Variants in TLK1 observed in about 807,000 individuals in gnomAD.
TLK1 encodes tousled like kinase 1.
TLK1 carries 24 observed loss-of-function variants against 105.3 expected under a neutral mutation model. That is an observed-to-expected ratio of 0.23 (90% confidence interval 0.17 to 0.32). The LOEUF (loss-of-function observed/expected upper bound fraction) is 0.32. TLK1 is among the 10% of genes least tolerant of loss of function. The pLI, the probability that TLK1 is intolerant of heterozygous loss-of-function variation, is 1.00. For synonymous variants in TLK1, 321 were observed against 310.4 expected, an observed-to-expected ratio of 1.03 and a Z score of -0.36; for missense variants, 558 against 910.5, an observed-to-expected ratio of 0.61 and a Z score of 4.98.
chr2:171,137,714 C>T (rs1049206657), intron 1 of TLK1, among the ~76,000 whole-genome samples: 7 of 151,762 alleles, frequency 4.6e-5, no homozygotes, highest in African/African-American at 1.5e-4. Flanking sequence ...CCGGGTGTGG[C>T]AGCGTGTGCC....
intron 1 of TLK1, among the ~76,000 whole-genome samples, chr2:171,197,807 A>G (rs1693303813): frequency 6.6e-6 from 1 of 152,070 alleles, no homozygotes; most frequent in Non-Finnish European, 1.5e-5. Context: ...ACAAAAAACA[A>G]TAAAGAATCA....
intron 10 of TLK1, among the ~76,000 whole-genome samples, chr2:171,047,479 C>T (rs1687016941): frequency 6.6e-6 from 1 of 152,086 alleles, no homozygotes; most frequent in Non-Finnish European, 1.5e-5. Context: ...ATCCCCTTCC[C>T]TATGGTTTTA....
At chr2:171,171,782 A>G (rs1692733870) in intron 1 of TLK1, among the ~76,000 whole-genome samples, 1 of 152,238 alleles carries the variant, frequency 6.6e-6, no homozygotes. Flanking sequence ...GGCTAAAATG[A>G]AAAATATGAA....
Position 171,160,295 on chromosome 2 carries a change from C to T in TLK1, c.134G>A (p.Arg45Lys). The change falls in exon 1 of 21, where the codon AGG becomes AAG. Residue 45 changes from arginine to lysine, a missense_variant. Coordinates refer to ENST00000431350, the MANE Select transcript of TLK1 (RefSeq NM_012290.5). The surrounding 1 kb of genome is among the most constrained non-coding windows in gnomAD (Gnocchi z 4.4). ...GCGGGCGCGGCGGTGCTTACCTTCC[C>T]TGGGCCTCCCGGATGGCGGCGTGTG... ...LNHTPPSGRP[R>K]EGAMDELHSL... 6.3e-7 allele frequency: 1 copy of T among 1,581,942 alleles called. No homozygotes were observed. The highest frequency in any genetic ancestry group is 1.4e-5 in the African/African-American group (1 of 71,984).
intron 1 of TLK1, among the ~76,000 whole-genome samples, chr2:171,208,848 A>G (rs13408729): frequency 0.03 from 4,549 of 152,334 alleles, 229 homozygotes; most frequent in East Asian, 0.2. Flanking sequence ...TATCAAAATA[A>G]TAAATGCACT....
At chr2:171,148,277 G>A (rs76087981) in intron 1 of TLK1, among the ~76,000 whole-genome samples, 9,664 of 152,168 alleles carry the variant, frequency 0.064, 387 homozygotes, top group Non-Finnish European at 0.093. Flanking sequence ...GTACCAAGGA[G>A]AAAGAGTGCT....
rs542383761 is a variant in TLK1, at chr2:171,180,953, T to C, written c.-6+50192A>G. ...AGAGACTTGGGGCTTTAAAATATGA[T>C]TAACTCTGATAATAATGGTTGAGGA... is the stretch of plus-strand genomic sequence containing the variant. On this transcript the variant is annotated intron_variant, in intron 1 of 20. Coordinates refer to the TLK1 transcript ENST00000521943. Among the ~76,000 whole-genome samples the C allele has an allele frequency of 5.3e-5, 8 of 152,224 alleles. 1 individual carries two copies. Among genetic ancestry groups the C allele is most frequent in the African/African-American group, 1.9e-4 (8 of 41,522 alleles).
intron 2 of TLK1, among the ~76,000 whole-genome samples, chr2:171,104,617 A>G (rs1012914670): frequency 3.3e-5 from 5 of 152,194 alleles, no homozygotes; most frequent in African/African-American, 1.2e-4. Flanking sequence ...AGCTAAAAGA[A>G]TAAAACTGGA....
intron 1 of TLK1, among the ~76,000 whole-genome samples, chr2:171,185,494 C>CA (rs1186948653): frequency 6.6e-6 from 1 of 152,104 alleles, no homozygotes; most frequent in Non-Finnish European, 1.5e-5. Flanking sequence ...CTGCTCCAGA[C>CA]AAAAAAGAAC....
chr2:171,016,075 T>C (rs115771356), intron 12 of TLK1, among the ~76,000 whole-genome samples: 1,954 of 151,582 alleles, frequency 0.013, 33 homozygotes, highest in African/African-American at 0.042. Context: ...GGAAACTCCA[T>C]CCCCACTCTC....
At chr2:171,062,328 C>T (rs2105447894) in intron 3 of TLK1, among the ~76,000 whole-genome samples, 1 of 152,244 alleles carries the variant, frequency 6.6e-6, no homozygotes, top group South Asian at 2.1e-4. Context: ...CATCATGGTC[C>T]CCCAACAAGG....
At chr2:171,075,196 G>C (rs1213922235) in intron 3 of TLK1, among the ~76,000 whole-genome samples, 2 of 151,972 alleles carry the variant, frequency 1.3e-5, no homozygotes, top group Non-Finnish European at 1.5e-5. Flanking sequence ...AGCATTAAGA[G>C]GGCAAAAAAG....
intron 10 of TLK1, among the ~76,000 whole-genome samples, chr2:171,048,167 T>G (rs1687048842): frequency 6.6e-6 from 1 of 152,106 alleles, no homozygotes; most frequent in Non-Finnish European, 1.5e-5. Context: ...CAGGTTGGTA[T>G]CAAACTCTCA....
chr2:171,084,088 A>T (rs762081361), intron 2 of TLK1, among the ~76,000 whole-genome samples: 4 of 152,176 alleles, frequency 2.6e-5, no homozygotes, highest in Non-Finnish European at 5.9e-5. Flanking sequence ...CCCTCAAAAC[A>T]TCAGATGGAA....
intron 3 of TLK1, among the ~76,000 whole-genome samples, chr2:171,078,279 C>A (rs1265913773): frequency 6.6e-6 from 1 of 152,200 alleles, no homozygotes; most frequent in African/African-American, 2.4e-5. Context: ...GTGGCTCACA[C>A]CTGTAATCCC....
chr2:171,204,678 G>A (rs980482110), intron 1 of TLK1, among the ~76,000 whole-genome samples: 3 of 152,160 alleles, frequency 2.0e-5, no homozygotes, highest in South Asian at 2.1e-4. Context: ...GAAATTATGG[G>A]CTGGGCATGG....
chr2:170,997,286 T>G (rs889486080), intron 19 of TLK1, among the ~76,000 whole-genome samples: 1 of 152,078 alleles, frequency 6.6e-6, no homozygotes, highest in Non-Finnish European at 1.5e-5. Flanking sequence ...AACTTCAATA[T>G]AAAAAGAAGT....
In TLK1 at chr2:171,082,778, T is replaced by G; in HGVS notation, c.330+3A>C. 6.3e-7 allele frequency: 1 copy of G among 1,598,626 alleles called. No individual in the cohort carries two copies. Among genetic ancestry groups the G allele is most frequent in the Non-Finnish European group, 8.5e-7 (1 of 1,170,802 alleles). On this transcript the variant is annotated splice_donor_region_variant and intron_variant, in intron 3 of 20. Transcript: ENST00000431350. ...GCACCATATTTAAAATGAAATTACT[T>G]ACCTCTGATTCTTTGTCACTTAAAG... is the stretch of plus-strand genomic sequence containing the variant.
chr2:171,206,964 G>C (rs1382053253), intron 1 of TLK1, among the ~76,000 whole-genome samples: 1 of 152,104 alleles, frequency 6.6e-6, no homozygotes, highest in African/African-American at 2.4e-5. Context: ...AAGGCAAAAT[G>C]GTACAACTAC....
Sources: gnomAD v4.1 joint callset for allele counts (sites outside exome capture counted in the v4.1 genomes callset) on GRCh38, gnomAD v4.1.1 for gene constraint, Gnocchi (gnomAD v3.1) non-coding constraint, MANE v1.5 for transcripts, NCBI Gene and HGNC (gene_info 2026-07-23, HGNC 2026-07-21) for gene names.